LOC400499: variants seen among roughly 807,000 people sequenced by gnomAD.
chr16:11,373,361 C>T, the LOC400499 span, among the ~76,000 whole-genome samples: 85,299 of 152,080 alleles, frequency 0.56, 24,612 homozygotes, highest in Admixed American at 0.66. Context: ...TTTAACTTTT[C>T]TGAGATGGAG....
chr16:11,457,041 T>C, the LOC400499 span: 1 of 1,516,512 alleles, frequency 6.6e-7, no homozygotes, highest in Middle Eastern at 1.7e-4. Flanking sequence ...CAGCACAAAC[T>C]GGAGAATGCC....
the LOC400499 span, among the ~76,000 whole-genome samples, chr16:11,436,114 A>G: frequency 2.0e-5 from 3 of 152,212 alleles, no homozygotes; most frequent in Non-Finnish European, 4.4e-5. Context: ...CCTTTCCACC[A>G]CATGTGAAAT....
At chr16:11,373,381 A>G in the LOC400499 span, among the ~76,000 whole-genome samples, 2,807 of 152,254 alleles carry the variant, frequency 0.018, 44 homozygotes, top group Middle Eastern at 0.031. Flanking sequence ...GTCTCGCGCT[A>G]TCACCCAGGC....
At chr16:11,440,323 G>C in the LOC400499 span, among the ~76,000 whole-genome samples, 329 of 152,286 alleles carry the variant, frequency 2.2e-3, 2 homozygotes, top group African/African-American at 7.7e-3. Flanking sequence ...TTGCAGCTAG[G>C]TGGGATCATG....
the LOC400499 span, among the ~76,000 whole-genome samples, chr16:11,456,014 A>G: frequency 6.6e-6 from 1 of 150,626 alleles, no homozygotes; most frequent in African/African-American, 2.4e-5. Flanking sequence ...TAAAAACTGA[A>G]AAAATGGAAA....
the LOC400499 span, among the ~76,000 whole-genome samples, chr16:11,508,382 T>C: frequency 1.3e-4 from 20 of 152,234 alleles, no homozygotes; most frequent in African/African-American, 4.6e-4. Context: ...CTGTGGGAAG[T>C]CCTCAATGCT....
chr16:11,442,991 C>T, the LOC400499 span, among the ~76,000 whole-genome samples: 1 of 152,090 alleles, frequency 6.6e-6, no homozygotes, highest in Non-Finnish European at 1.5e-5. Flanking sequence ...TCAACAGCTG[C>T]CTGGTTCACC....
At chr16:11,434,913 C>G in the LOC400499 span, among the ~76,000 whole-genome samples, 1 of 152,164 alleles carries the variant, frequency 6.6e-6, no homozygotes, top group South Asian at 2.1e-4. Flanking sequence ...GACATGAGAC[C>G]AGACGGAGAC....
At chr16:11,518,582 C>A in the LOC400499 span, among the ~76,000 whole-genome samples, 1 of 152,072 alleles carries the variant, frequency 6.6e-6, no homozygotes, top group African/African-American at 2.4e-5. Flanking sequence ...CTGGGGGTCA[C>A]AGGCAGAACT....
At chr16:11,442,322 G>T in the LOC400499 span, 1 of 152,432 alleles carries the variant, frequency 6.6e-6, no homozygotes, top group African/African-American at 2.4e-5. Context: ...CCAGGTTCAA[G>T]CGATTCTCCT....
chr16:11,464,749 C>T, the LOC400499 span, among the ~76,000 whole-genome samples: 7 of 152,156 alleles, frequency 4.6e-5, no homozygotes, highest in Non-Finnish European at 8.8e-5. Flanking sequence ...CTGGGGCAGA[C>T]GGAACTAGAA....
At chr16:11,440,855 T>C in the LOC400499 span, 1,066 of 398,832 alleles carry the variant, frequency 2.7e-3, 13 homozygotes, top group African/African-American at 0.019. Flanking sequence ...TGGGAAGAAA[T>C]AGACAACACC....
At chr16:11,479,608 C>T in the LOC400499 span, among the ~76,000 whole-genome samples, 1 of 151,936 alleles carries the variant, frequency 6.6e-6, no homozygotes, top group Admixed American at 6.6e-5. Context: ...GGACAACAGA[C>T]AGAGCAAGAC....
chr16:11,407,264 G>C, the LOC400499 span: 1 of 398,864 alleles, frequency 2.5e-6, no homozygotes, highest in African/African-American at 2.1e-5. Flanking sequence ...TACCTGCCGG[G>C]TGCTGATGTG....
chr16:11,480,996 T>C, the LOC400499 span, among the ~76,000 whole-genome samples: 3 of 152,312 alleles, frequency 2.0e-5, no homozygotes, highest in East Asian at 5.8e-4. Context: ...GGTACATCCA[T>C]ACGATGAAAT....
chr16:11,398,034 G>C, the LOC400499 span, among the ~76,000 whole-genome samples: 1 of 152,276 alleles, frequency 6.6e-6, no homozygotes, highest in South Asian at 2.1e-4. Context: ...CTCTCCTCTG[G>C]GGTAATGATG....
chr16:11,463,530 CTGTA>C, the LOC400499 span, among the ~76,000 whole-genome samples: 7 of 151,704 alleles, frequency 4.6e-5, no homozygotes, highest in Admixed American at 1.3e-4. Context: ...ATGGATGTGT[CTGTA>C]TGTAGACATG....
At chr16:11,466,886 A>C in the LOC400499 span, among the ~76,000 whole-genome samples, 1 of 152,044 alleles carries the variant, frequency 6.6e-6, no homozygotes, top group Non-Finnish European at 1.5e-5. Context: ...TGCTTGTCTG[A>C]AAAGATTGCC....
chr16:11,413,889 A>G, the LOC400499 span, among the ~76,000 whole-genome samples: 6 of 152,210 alleles, frequency 3.9e-5, no homozygotes, highest in Non-Finnish European at 8.8e-5. Context: ...AATTTGCCCA[A>G]GGCCACACAG....
Sources: gnomAD v4.1 joint callset for allele counts (sites outside exome capture counted in the v4.1 genomes callset) on GRCh38, gnomAD v4.1.1 for gene constraint, MANE v1.5 for transcripts.